MOCS1: variants seen among roughly 807,000 people sequenced by gnomAD.
The protein encoded by MOCS1 is molybdenum cofactor synthesis 1, also known as molybdenum cofactor biosynthesis protein 1.
Under a neutral mutation model 57.6 loss-of-function variants are expected in MOCS1, and 39 were observed. The ratio of observed to expected loss-of-function variants is 0.68; its 90% confidence interval spans 0.52 to 0.88. The LOEUF (loss-of-function observed/expected upper bound fraction) is 0.88. MOCS1 is among the 40% of genes least tolerant of loss of function. The probability of loss-of-function intolerance (pLI) is 0.00; values close to 1 mark genes in which losing one functional copy is unlikely to be tolerated. For missense variants in MOCS1, 795 were observed against 831.1 expected (o/e 0.96, Z 0.53); for synonymous variants, 334 against 335.7 (o/e 1.00, Z 0.05).
rs975447697 is a variant in MOCS1, at chr6:39,904,418, G to C, written c.*1939C>G. Reference sequence around the variant, plus strand: ...GGTGCCCAGTCGGGGTGGCTGAGCTGGTCCTTAATAGGTTGTTTCTTGGTC... The same window carrying C: ...GGTGCCCAGTCGGGGTGGCTGAGCTCGTCCTTAATAGGTTGTTTCTTGGTC... On this transcript the variant is annotated 3_prime_UTR_variant, in exon 11 of 11. Transcript: ENST00000340692. 4.4e-6 allele frequency: 2 copies of C among 455,292 alleles called. No individual in the cohort carries two copies. The highest frequency in any genetic ancestry group is 4.0e-5 in the African/African-American group (2 of 50,140). 28.2% of individuals were successfully genotyped at this position (455,292 alleles called of 1,614,324 possible). A position where few individuals can be genotyped will look rare whatever the true frequency, so the allele number is the denominator to read the frequency against.
At chr6:39,913,885 C>A (rs1014407227) in intron 4 of MOCS1, 50 bp from the exon 5 acceptor site, 12 of 1,553,494 alleles carry the variant, frequency 7.7e-6, no homozygotes, top group Non-Finnish European at 9.8e-6. Flanking sequence ...TCTCCTCTTC[C>A]CCCACACCCC....
chr6:39,908,132 G>A (rs557143558), intron 10 of MOCS1, among the ~76,000 whole-genome samples: 2 of 152,344 alleles, frequency 1.3e-5, no homozygotes, highest in East Asian at 3.9e-4. Context: ...CCAGTGGCAA[G>A]CTACCTTTGC....
Position 39,905,399 on chromosome 6 carries a change from CTCT to C in MOCS1, c.*955_*957del, listed in dbSNP as rs1562079091. On this transcript the variant is annotated 3_prime_UTR_variant, in exon 11 of 11. Transcript: ENST00000340692. ...ACCCTTAGGCCTTTCCAGGTCCCTCCTCTTCTTCCCTCAGGGAACTGTGTCTTG... is the reference window on the plus strand; with the variant it reads ...ACCCTTAGGCCTTTCCAGGTCCCTCCTCTTCCCTCAGGGAACTGTGTCTTG... 6.4e-6 allele frequency: 3 copies of C among 468,136 alleles called. No individual in the cohort carries two copies. Among genetic ancestry groups the C allele is most frequent in the African/African-American group, 2.0e-5 (1 of 50,044 alleles). 29.0% of individuals were successfully genotyped at this position (468,136 alleles called of 1,614,324 possible).
chr6:39,910,115 G>A (rs1294251553), intron 8 of MOCS1, among the ~76,000 whole-genome samples, 160 bp from the exon 9 acceptor site: 1 of 152,216 alleles, frequency 6.6e-6, no homozygotes, highest in Non-Finnish European at 1.5e-5. Context: ...AGGTGCTGTA[G>A]GGAGGTCAGA....
chr6:39,905,949 TA>T lies in MOCS1; in HGVS notation c.*407del. 4.3e-6 allele frequency: 2 copies of T among 467,454 alleles called. No individual in the cohort carries two copies. The highest frequency in any genetic ancestry group is 8.6e-6 in the Non-Finnish European group (2 of 232,030). 29.0% of individuals were successfully genotyped at this position (467,454 alleles called of 1,614,324 possible). A position where few individuals can be genotyped will look rare whatever the true frequency, so the allele number is the denominator to read the frequency against. ...TCTCCTCAAAGTGGGCTCCTCTGCT[TA>T]ATGAGCGCTTAATCTCTCCCCAGGA... On this transcript the variant is annotated 3_prime_UTR_variant, in exon 11 of 11. Transcript: ENST00000340692.
intron 8 of MOCS1, among the ~76,000 whole-genome samples, chr6:39,910,760 C>A (rs1767274114): frequency 6.6e-6 from 1 of 152,204 alleles, no homozygotes; most frequent in Admixed American, 6.5e-5. Flanking sequence ...CCCCAACCAG[C>A]CTCCAGGTTC....
chr6:39,924,850 G>T (rs1223541743), intron 3 of MOCS1, among the ~76,000 whole-genome samples: 1 of 152,228 alleles, frequency 6.6e-6, no homozygotes, highest in Admixed American at 6.5e-5. Context: ...AGGCCGAGGT[G>T]TGTGGATCAC....
At chr6:39,924,786 AT>A (rs1385365564) in intron 3 of MOCS1, among the ~76,000 whole-genome samples, 1 of 152,234 alleles carries the variant, frequency 6.6e-6, no homozygotes, top group Non-Finnish European at 1.5e-5. Context: ...ATTTAGGAGC[AT>A]AAAAACCATG....
At chr6:39,920,790 G>A (rs1021842232) in intron 3 of MOCS1, among the ~76,000 whole-genome samples, 10 of 151,888 alleles carry the variant, frequency 6.6e-5, no homozygotes, top group Admixed American at 2.0e-4. Context: ...ACCAGCCTGG[G>A]TAACATGGCA....
rs893198928 is a variant in MOCS1, at chr6:39,934,292, C to T, written c.123+3G>A. On this transcript the variant is annotated splice_donor_region_variant and intron_variant, in intron 1 of 10. Coordinates refer to ENST00000340692, the MANE Select transcript of MOCS1 (RefSeq NM_001358530.2). The stretch of plus-strand genomic sequence containing the variant: ...GCTGTGGACGCAGGCGGGGTGGGCT[C>T]ACCTCCGAGGCAGCTCGCGCGGACT... 5.2e-6 allele frequency: 8 copies of T among 1,540,322 alleles called. No individual in the cohort carries two copies. The highest frequency in any genetic ancestry group is 6.1e-6 in the Non-Finnish European group (7 of 1,148,272).
At chr6:39,914,589 T>A (rs1767545163) in intron 4 of MOCS1, among the ~76,000 whole-genome samples, 1 of 152,194 alleles carries the variant, frequency 6.6e-6, no homozygotes, top group Non-Finnish European at 1.5e-5. Context: ...ACCTACTGCA[T>A]CCTGGCCCCC....
chr6:39,912,963 TCTC>T lies in MOCS1; in HGVS notation c.796_798del (p.Glu266del). ...CACTGCTGCCGGACAGTGTCTAGCA[TCTC>T]CTTATAGCTGACCATCTTCTTGAAG... is the stretch of plus-strand genomic sequence containing the variant. On this transcript the variant is annotated inframe_deletion, in exon 7 of 11. Coordinates refer to ENST00000340692, the MANE Select transcript of MOCS1 (RefSeq NM_001358530.2). 6.2e-7 allele frequency: 1 copy of T among 1,614,114 alleles called. No homozygotes were observed.
chr6:39,918,916 G>C (rs1246883917), intron 3 of MOCS1, among the ~76,000 whole-genome samples: 1 of 151,926 alleles, frequency 6.6e-6, no homozygotes, highest in Admixed American at 6.6e-5. Context: ...CTACCAATAA[G>C]GAAAATTAGC....
chr6:39,929,812 C>T (rs185680381), intron 1 of MOCS1, among the ~76,000 whole-genome samples: 5 of 151,680 alleles, frequency 3.3e-5, no homozygotes, highest in East Asian at 3.9e-4. Flanking sequence ...TGTGGTGGCG[C>T]GAGTCTGTAA....
At chr6:39,908,822 G>A (rs1767115077) in intron 10 of MOCS1, among the ~76,000 whole-genome samples, 1 of 152,118 alleles carries the variant, frequency 6.6e-6, no homozygotes, top group South Asian at 2.1e-4. Context: ...TCTGATGTCT[G>A]GTGAGACAGA....
At position 39,927,247 on chromosome 6, in the gene MOCS1, G is replaced by A. The variant is rs1768369081; in HGVS notation, c.250+82C>T. On this transcript the variant is annotated intron_variant, in intron 2 of 10. Coordinates refer to ENST00000340692, the MANE Select transcript of MOCS1 (RefSeq NM_001358530.2). ...GAAAGCAGAACTGGAGGACACAGGAGGATTTCCAGGCACAGGGAAATTTCA... is the reference window on the plus strand; with the variant it reads ...GAAAGCAGAACTGGAGGACACAGGAAGATTTCCAGGCACAGGGAAATTTCA... The A allele has an allele frequency of 2.6e-6, 4 of 1,539,352 alleles. No individual in the cohort carries two copies. The South Asian group carries it at 3.5e-5, about 13-fold the overall frequency.
Position 39,909,004 on chromosome 6 carries a change from G to A in MOCS1, c.1150+51C>T, listed in dbSNP as rs373762795. On this transcript the variant is annotated intron_variant, in intron 10 of 10. Coordinates refer to ENST00000340692, the MANE Select transcript of MOCS1 (RefSeq NM_001358530.2). Reference sequence around the variant, plus strand: ...GCCTATGGCACGGCTCCCACCCCACGAGATCCCCAAATGACAAGGGTGAGT... The same window carrying A: ...GCCTATGGCACGGCTCCCACCCCACAAGATCCCCAAATGACAAGGGTGAGT... 3.3e-5 allele frequency: 51 copies of A among 1,552,766 alleles called. No individual in the cohort carries two copies. The African/African-American group carries it at 3.7e-4, about 11-fold the overall frequency.
chr6:39,925,983 C>A, intron 2 of MOCS1, 138 bp from the exon 3 acceptor site: 1 of 933,684 alleles, frequency 1.1e-6, no homozygotes. Flanking sequence ...CTCACTAAAC[C>A]TGAGGTGGAA....
At chr6:39,925,383 G>A (rs1450074076) in intron 3 of MOCS1, among the ~76,000 whole-genome samples, 1 of 152,158 alleles carries the variant, frequency 6.6e-6, no homozygotes, top group Non-Finnish European at 1.5e-5. Context: ...GGGTTTTGGA[G>A]GTCAGCAAGA....
Sources: gnomAD v4.1 joint callset for allele counts (sites outside exome capture counted in the v4.1 genomes callset) on GRCh38, gnomAD v4.1.1 for gene constraint, MANE v1.5 for transcripts, NCBI Gene and HGNC (gene_info 2026-07-23, HGNC 2026-07-21) for gene names.